The following CCDC33 variants were observed in gnomAD, a reference collection of about 807,000 sequenced individuals.
The protein encoded by CCDC33 is coiled-coil domain containing 33.
CCDC33 carries 94 observed loss-of-function variants against 91.9 expected under a neutral mutation model. The observed-to-expected ratio is 1.02, with a 90% CI of 0.87 to 1.21. The LOEUF is 1.21. Ranked by LOEUF, CCDC33 falls within the 50% of genes most tolerant of loss-of-function variation. The pLI is 0.00. For synonymous variants in CCDC33, 396 were observed against 374.5 expected (o/e 1.06, Z -0.66); for missense variants, 940 against 935.5 (o/e 1.00, Z -0.06).
At chr15:74,253,806 G>A (rs887769473) in intron 2 of CCDC33, among the ~76,000 whole-genome samples, 2 of 152,180 alleles carry the variant, frequency 1.3e-5, no homozygotes, top group African/African-American at 4.8e-5. Context: ...GCCCCTGCCC[G>A]TCCTACTGAT....
chr15:74,252,145 A>C (rs2075729487), intron 2 of CCDC33, among the ~76,000 whole-genome samples: 3 of 152,192 alleles, frequency 2.0e-5, no homozygotes, highest in African/African-American at 7.2e-5. Context: ...CTTTGCCTTG[A>C]TATTTCATGC....
intron 11 of CCDC33, among the ~76,000 whole-genome samples, chr15:74,323,421 A>G (rs955151433): frequency 3.9e-5 from 6 of 151,920 alleles, no homozygotes; most frequent in African/African-American, 1.5e-4. Context: ...CATCACCAGC[A>G]TCCTCACGCC....
chr15:74,283,610 C>CAA (rs1272064642), intron 10 of CCDC33, among the ~76,000 whole-genome samples: 1 of 152,180 alleles, frequency 6.6e-6, no homozygotes, highest in Non-Finnish European at 1.5e-5. Flanking sequence ...CATTTAGCTG[C>CAA]TGAGTGTTTT....
At chr15:74,260,054 A>G (rs1201920186) in intron 2 of CCDC33, among the ~76,000 whole-genome samples, 2 of 152,196 alleles carry the variant, frequency 1.3e-5, no homozygotes, top group African/African-American at 2.4e-5. Flanking sequence ...CTATATATCT[A>G]TAAGTAGCAG....
At chr15:74,319,127 C>G (rs914688327) in intron 11 of CCDC33, among the ~76,000 whole-genome samples, 1 of 152,136 alleles carries the variant, frequency 6.6e-6, no homozygotes. Context: ...GGGCTGGGGC[C>G]GCCCCAGTAA....
At chr15:74,279,805 G>A (rs2076544360) in intron 7 of CCDC33, among the ~76,000 whole-genome samples, 158 bp from the exon 8 acceptor site, 1 of 152,234 alleles carries the variant, frequency 6.6e-6, no homozygotes, top group Admixed American at 6.5e-5. Context: ...CCGAAGTGCT[G>A]GAATTACAGG....
chr15:74,296,533 G>GGA (rs1471388339), intron 11 of CCDC33, among the ~76,000 whole-genome samples: 1 of 152,194 alleles, frequency 6.6e-6, no homozygotes, highest in Admixed American at 6.5e-5. Flanking sequence ...GGCTGAGGCG[G>GGA]GAGAATCACT....
At chr15:74,208,478 C>T (rs563831458) in intron 1 of CCDC33, among the ~76,000 whole-genome samples, 1 of 152,176 alleles carries the variant, frequency 6.6e-6, no homozygotes, top group Non-Finnish European at 1.5e-5. Context: ...CCTGACTTCT[C>T]TCTCCTTGTT....
intron 7 of CCDC33, among the ~76,000 whole-genome samples, chr15:74,279,500 G>C (rs351167): frequency 0.98 from 149,816 of 152,324 alleles, 73,740 homozygotes; most frequent in East Asian, 1. Context: ...GTATTTATTA[G>C]GTGTGTGCTG....
chr15:74,299,844 TCTCTCTCACTCC>T (rs901365139), intron 11 of CCDC33: 2 of 152,404 alleles, frequency 1.3e-5, no homozygotes, highest in African/African-American at 4.8e-5. Flanking sequence ...TCATCATTTC[TCTCTCTCACTCC>T]CTCTCTCACT....
chr15:74,308,534 T>A (rs2059934353), intron 11 of CCDC33, among the ~76,000 whole-genome samples: 1 of 151,932 alleles, frequency 6.6e-6, no homozygotes, highest in South Asian at 2.1e-4. Context: ...GGGGAGGGCC[T>A]GTGGGGGAAG....
At chr15:74,324,971 C>T (rs12912539) in intron 11 of CCDC33, among the ~76,000 whole-genome samples, 1 of 150,716 alleles carries the variant, frequency 6.6e-6, no homozygotes. Flanking sequence ...CCCCCACCTC[C>T]TCCTCCTCCA....
chr15:74,253,356 G>A (rs545367697), intron 2 of CCDC33, among the ~76,000 whole-genome samples: 1 of 152,302 alleles, frequency 6.6e-6, no homozygotes, highest in East Asian at 1.9e-4. Flanking sequence ...AGGGTCACAT[G>A]CCACAGGGTC....
At chr15:74,270,620 C>T (rs1459388632) in intron 5 of CCDC33, among the ~76,000 whole-genome samples, 1 of 151,950 alleles carries the variant, frequency 6.6e-6, no homozygotes, top group African/African-American at 2.4e-5. Flanking sequence ...GAATGAGAGC[C>T]GAGTGGGAGG....
At position 74,331,211 on chromosome 15, in the gene CCDC33, G is replaced by A; in HGVS notation, c.1686G>A (p.Glu562=). The A allele has an allele frequency of 3.7e-6, 6 of 1,614,214 alleles. No individual in the cohort carries two copies. Among genetic ancestry groups the A allele is most frequent in the Non-Finnish European group, 5.1e-6 (6 of 1,180,014 alleles). ...ETVRHQEKVI[E]KMERVLEDRL... ...TCTGCTCTGCTCTCCAGGTGATCGA[G>A]AAGATGGAGCGGGTGCTGGAGGACA... Residue 562 remains glutamate (E), a synonymous_variant, in exon 15 of 19, where the codon GAG becomes GAA. Transcript: ENST00000398814.
intron 4 of CCDC33, among the ~76,000 whole-genome samples, 187 bp from the exon 5 acceptor site, chr15:74,268,154 GA>G (rs1401282489): frequency 6.6e-6 from 1 of 152,192 alleles, no homozygotes; most frequent in Non-Finnish European, 1.5e-5. Flanking sequence ...TATTCAAATG[GA>G]AAAGGGAAGA....
intron 1 of CCDC33, among the ~76,000 whole-genome samples, chr15:74,237,733 C>T (rs1023751215): frequency 1.3e-5 from 2 of 152,194 alleles, no homozygotes; most frequent in African/African-American, 2.4e-5. Flanking sequence ...CCCACCTGCC[C>T]CACAGAGCTG....
chr15:74,296,633 T>A (rs1191125906), intron 11 of CCDC33, among the ~76,000 whole-genome samples: 6 of 151,728 alleles, frequency 4.0e-5, no homozygotes, highest in African/African-American at 4.8e-5. Context: ...TCTCAAAAAA[T>A]AATAATAATA....
At chr15:74,319,291 A>G (rs898935925) in intron 11 of CCDC33, among the ~76,000 whole-genome samples, 2 of 152,228 alleles carry the variant, frequency 1.3e-5, no homozygotes, top group Non-Finnish European at 2.9e-5. Context: ...GGGTCGTTCG[A>G]CAGCTGTGGG....
Sources: gnomAD v4.1 joint callset for allele counts (sites outside exome capture counted in the v4.1 genomes callset) on GRCh38, gnomAD v4.1.1 for gene constraint, MANE v1.5 for transcripts, NCBI Gene and HGNC (gene_info 2026-07-23, HGNC 2026-07-21) for gene names.